ST3GAL3: variants seen among roughly 807,000 people sequenced by gnomAD.
The protein encoded by ST3GAL3 is CMP-N-acetylneuraminate-beta-1,4-galactoside alpha-2,3-sialyltransferase.
ST3GAL3 carries 21 observed loss-of-function variants against 50.1 expected under a neutral mutation model. The observed-to-expected ratio is 0.42, with a 90% CI of 0.30 to 0.60. The LOEUF (loss-of-function observed/expected upper bound fraction) is 0.60, where lower values mean the gene tolerates loss of function less well. Ranked by LOEUF, ST3GAL3 falls within the 20% of genes least tolerant of loss-of-function variation. The probability of loss-of-function intolerance (pLI) is 0.19; values close to 1 mark genes in which losing one functional copy is unlikely to be tolerated. For missense variants in ST3GAL3, 353 were observed against 489.4 expected, an observed-to-expected ratio of 0.72 and a Z score of 2.63; for synonymous variants, 183 against 190.0, an observed-to-expected ratio of 0.96 and a Z score of 0.30.
intron 2 of ST3GAL3, among the ~76,000 whole-genome samples, chr1:43,753,644 AT>A (rs1686993996): frequency 6.6e-6 from 1 of 152,150 alleles, no homozygotes; most frequent in African/African-American, 2.4e-5. Flanking sequence ...TCTAAACTTC[AT>A]GTTACTGTAA....
intron 9 of ST3GAL3, among the ~76,000 whole-genome samples, chr1:43,901,125 T>C (rs1042536288): frequency 6.6e-6 from 1 of 152,246 alleles, no homozygotes. Flanking sequence ...GGGTCACAGA[T>C]AGACACTTTT....
At chr1:43,809,581 T>A (rs1299773249) in intron 3 of ST3GAL3, among the ~76,000 whole-genome samples, 2 of 151,978 alleles carry the variant, frequency 1.3e-5, no homozygotes, top group African/African-American at 4.8e-5. Flanking sequence ...TCTGTAGTCC[T>A]AGCTACTCAG....
At chr1:43,811,682 C>T (rs773300541) in intron 3 of ST3GAL3, among the ~76,000 whole-genome samples, 11 of 152,178 alleles carry the variant, frequency 7.2e-5, no homozygotes, top group African/African-American at 1.4e-4. Flanking sequence ...GCAGCCAGCC[C>T]GCCCATTGCC....
At chr1:43,842,665 G>T (rs959421211) in intron 5 of ST3GAL3, 2 of 152,004 alleles carry the variant, frequency 1.3e-5, no homozygotes, top group African/African-American at 2.4e-5. Context: ...AATTAGCTGG[G>T]CGTGGTGGTG....
At position 43,773,171 on chromosome 1, in the gene ST3GAL3, G is replaced by C. The variant is rs76102578; in HGVS notation, c.119-18931G>C. ...GTGAGGGTTATTGAGTGTTGTAACT[G>C]TAGTTAATTAATGCCTTCTGAGATA... On this transcript the variant is annotated intron_variant, in intron 2 of 11. Coordinates refer to ENST00000347631, the MANE Select transcript of ST3GAL3 (RefSeq NM_006279.5). 5.3e-3 allele frequency among the ~76,000 whole-genome samples: 809 copies of C among 152,354 alleles called. 16 individuals are homozygous for C. Among genetic ancestry groups the C allele is most frequent in the African/African-American group, 0.018 (752 of 41,580 alleles).
intron 2 of ST3GAL3, among the ~76,000 whole-genome samples, chr1:43,767,991 G>A (rs6656457): frequency 1.3e-5 from 2 of 151,632 alleles, no homozygotes; most frequent in Admixed American, 1.3e-4. Context: ...AGAAAATGTA[G>A]AGCACATTAA....
At chr1:43,808,548 G>A (rs988427728) in intron 3 of ST3GAL3, among the ~76,000 whole-genome samples, 2 of 152,198 alleles carry the variant, frequency 1.3e-5, no homozygotes, top group African/African-American at 4.8e-5. Flanking sequence ...CTGAAAGAAG[G>A]GAAGCAGATG....
intron 1 of ST3GAL3, among the ~76,000 whole-genome samples, chr1:43,731,274 C>T (rs3862228): frequency 0.68 from 102,815 of 151,896 alleles, 35,171 homozygotes; most frequent in East Asian, 0.72. Flanking sequence ...TGCAGTGGCA[C>T]GATTTCGGCT....
At chr1:43,793,662 G>A (rs527611376) in intron 3 of ST3GAL3, among the ~76,000 whole-genome samples, 1 of 152,342 alleles carries the variant, frequency 6.6e-6, no homozygotes, top group African/African-American at 2.4e-5. Context: ...TTAAGGTAGA[G>A]TGGACAGACA....
At chr1:43,916,124 C>T (rs920614609) in intron 9 of ST3GAL3, among the ~76,000 whole-genome samples, 1 of 152,104 alleles carries the variant, frequency 6.6e-6, no homozygotes, top group Admixed American at 6.5e-5. Flanking sequence ...GGCAGCCCAT[C>T]GTAGGCACTC....
At chr1:43,900,080 G>A (rs758969733) in intron 9 of ST3GAL3, among the ~76,000 whole-genome samples, 3 of 151,966 alleles carry the variant, frequency 2.0e-5, no homozygotes, top group African/African-American at 7.3e-5. Context: ...GCCAGCCTTC[G>A]TATCACTCCC....
At chr1:43,746,835 T>A (rs1683930674) in intron 2 of ST3GAL3, among the ~76,000 whole-genome samples, 1 of 150,756 alleles carries the variant, frequency 6.6e-6, no homozygotes, top group Admixed American at 6.6e-5. Flanking sequence ...CCATCTCGGC[T>A]CACTGCAACC....
chr1:43,911,667 C>T (rs2080935985), intron 9 of ST3GAL3, among the ~76,000 whole-genome samples: 1 of 144,166 alleles, frequency 6.9e-6, no homozygotes, highest in African/African-American at 2.8e-5. Flanking sequence ...CTATAGATAT[C>T]TATAGATATA....
intron 5 of ST3GAL3, among the ~76,000 whole-genome samples, chr1:43,843,330 A>G (rs761501193): frequency 1.1e-4 from 16 of 152,332 alleles, no homozygotes; most frequent in Non-Finnish European, 1.6e-4. Context: ...ATATTTTGAG[A>G]AGATCATATG....
intron 2 of ST3GAL3, among the ~76,000 whole-genome samples, chr1:43,755,807 C>A (rs1687828600): frequency 6.6e-6 from 1 of 152,074 alleles, no homozygotes; most frequent in South Asian, 2.1e-4. Context: ...AATTGATAAA[C>A]TTTACCAAAA....
intron 2 of ST3GAL3, among the ~76,000 whole-genome samples, chr1:43,756,543 T>C (rs1178725880): frequency 1.2e-5 from 1 of 84,044 alleles, no homozygotes; most frequent in Non-Finnish European, 2.9e-5. Flanking sequence ...ATATATGTAT[T>C]GTATACACAC....
At chr1:43,765,097 A>G (rs560616932) in intron 2 of ST3GAL3, among the ~76,000 whole-genome samples, 7 of 152,318 alleles carry the variant, frequency 4.6e-5, no homozygotes, top group Admixed American at 3.3e-4. Context: ...CCCAAATTTC[A>G]GTGGTTTTAA....
intron 6 of ST3GAL3, among the ~76,000 whole-genome samples, chr1:43,896,462 G>A (rs1410548168): frequency 1.3e-5 from 2 of 152,122 alleles, no homozygotes; most frequent in Admixed American, 6.6e-5. Flanking sequence ...AAGCTTCTGC[G>A]GGTCCCTTCC....
chr1:43,811,400 G>C (rs1201147837), intron 3 of ST3GAL3, among the ~76,000 whole-genome samples: 2 of 152,174 alleles, frequency 1.3e-5, no homozygotes, highest in Admixed American at 6.5e-5. Flanking sequence ...GGGTGCTTTT[G>C]TGAGTGTTCT....
Sources: allele counts gnomAD v4.1 joint callset (sites outside exome capture counted in the v4.1 genomes callset), GRCh38; gene constraint gnomAD v4.1.1; transcripts MANE v1.5; gene names NCBI Gene and HGNC (gene_info 2026-07-23, HGNC 2026-07-21).